SPNS2: variants seen among roughly 807,000 people sequenced by gnomAD.
The protein encoded by SPNS2 is sphingosine-1-phosphate transporter SPNS2.
A neutral mutation model predicts 57.6 loss-of-function variants in SPNS2; 37 were observed. That is an observed-to-expected ratio of 0.64 (90% CI 0.49 to 0.85). The LOEUF (loss-of-function observed/expected upper bound fraction) is 0.85. Among genes scored for constraint, SPNS2 ranks in the 40% least tolerant of loss-of-function variants. The pLI is 0.00. For synonymous variants in SPNS2, 440 were observed against 346.9 expected (o/e 1.27, Z -2.98); for missense variants, 831 against 779.1 (o/e 1.07, Z -0.79).
Position 4,499,230 on chromosome 17 carries a change from G to C in SPNS2, c.183G>C (p.Ser61=). The C allele has an allele frequency of 6.9e-7, 1 of 1,455,492 alleles. No homozygotes were observed. Among genetic ancestry groups the C allele is most frequent in the Non-Finnish European group, 9.0e-7 (1 of 1,110,386 alleles). The allele number at this position is 1,455,492 out of a possible 1,614,324, so 90.2% of individuals were successfully genotyped here. ...SAAGDEVQTL[S]GSVRRAPTGP... The stretch of plus-strand genomic sequence containing the variant: ...CGGGCGATGAGGTGCAGACGCTGTC[G>C]GGCAGCGTAAGGCGGGCCCCGACCG... The change falls in exon 1 of 13, where the codon TCG becomes TCC. Residue 61 remains serine, a synonymous_variant. Transcript: ENST00000329078. The surrounding 1 kb of genome is among the most constrained non-coding windows in gnomAD (Gnocchi z 5.2).
In SPNS2 at chr17:4,538,054, C is replaced by G. The variant is rs1265921051; in HGVS notation, c.*606C>G. ...GGGCGCCCAAGTCTCTGGGTACTCC[C>G]TGGAGGACACTGTCTCACTGTCTCG... On this transcript the variant is annotated 3_prime_UTR_variant, in exon 13 of 13. Transcript: ENST00000329078. The G allele has an allele frequency of 2.0e-5, 7 of 347,900 alleles. No homozygotes were observed. In the Admixed American group the frequency reaches 2.3e-4, roughly 11 times the overall value. The allele number at this position is 347,900 out of a possible 1,614,324, so 21.6% of individuals were successfully genotyped here. A position where few individuals can be genotyped will look rare whatever the true frequency, so the allele number is the denominator to read the frequency against.
intron 2 of SPNS2, among the ~76,000 whole-genome samples, chr17:4,519,897 G>A (rs555654861): frequency 1.3e-5 from 2 of 152,204 alleles, no homozygotes; most frequent in South Asian, 2.1e-4. Flanking sequence ...CCCCCTCCCC[G>A]TCCCTACCCT....
chr17:4,535,776 G>A (rs1041309353), intron 9 of SPNS2, among the ~76,000 whole-genome samples: 21 of 152,134 alleles, frequency 1.4e-4, no homozygotes, highest in Admixed American at 3.3e-4. Flanking sequence ...GGGGCAGGTC[G>A]CAGTGGTCTG....
intron 1 of SPNS2, among the ~76,000 whole-genome samples, chr17:4,506,244 A>G (rs371444641): frequency 8.5e-5 from 13 of 152,246 alleles, no homozygotes; most frequent in African/African-American, 3.1e-4. Context: ...TGGCTACTGA[A>G]GTAGCACGTG....
intron 1 of SPNS2, among the ~76,000 whole-genome samples, chr17:4,507,552 T>G (rs191691389): frequency 6.6e-6 from 1 of 152,348 alleles, no homozygotes; most frequent in East Asian, 1.9e-4. Flanking sequence ...TTAAGCCATA[T>G]TACAGAGGAG....
intron 8 of SPNS2, 145 bp downstream of exon 8, chr17:4,533,577 C>T: frequency 9.5e-7 from 1 of 1,048,540 alleles, no homozygotes; most frequent in Non-Finnish European, 1.4e-6. Context: ...TCATCCCCAG[C>T]CTGGCCACAC....
intron 1 of SPNS2, among the ~76,000 whole-genome samples, chr17:4,503,721 G>A (rs767173744): frequency 6.6e-6 from 1 of 152,242 alleles, no homozygotes; most frequent in Non-Finnish European, 1.5e-5. Flanking sequence ...GATCCAGCCT[G>A]GGGCAGCCTG....
rs1481312945 is a variant in SPNS2, at chr17:4,536,082, GT to G, written c.1352del (p.Val451AlafsTer35). The G allele has an allele frequency of 6.2e-7, 1 of 1,611,308 alleles. No homozygotes were observed. On this transcript the variant is annotated frameshift_variant, in exon 10 of 13. Transcript: ENST00000329078. LOFTEE classifies it high-confidence loss of function. ...AITADILMYV[V>X]IPTRRATAVA... ...CTGCCCGCCTGTTCCGCAGTACGTG[GT>G]CATCCCCACGCGGCGCGCCACTGCC... is the stretch of plus-strand genomic sequence containing the variant.
At chr17:4,503,464 TCTAA>T (rs1904587758) in intron 1 of SPNS2, among the ~76,000 whole-genome samples, 1 of 152,288 alleles carries the variant, frequency 6.6e-6, no homozygotes, top group African/African-American at 2.4e-5. Context: ...TCACGCCCCC[TCTAA>T]CTAGCTCTGC....
At chr17:4,534,983 G>C (rs556031713) in intron 9 of SPNS2, among the ~76,000 whole-genome samples, 1 of 152,166 alleles carries the variant, frequency 6.6e-6, no homozygotes, top group African/African-American at 2.4e-5. Context: ...AGGGCCACTC[G>C]TTTCATCAGA....
In SPNS2 at chr17:4,514,331, G is replaced by A. The variant is rs530112934; in HGVS notation, c.436+1019G>A. On this transcript the variant is annotated intron_variant, in intron 2 of 12. Transcript: ENST00000329078. ...TCCCCATGGTCTGCATTCCAGTCCA[G>A]TCGGTGAACCCCTTCCCCTGCCTGG... is the stretch of plus-strand genomic sequence containing the variant. Among the ~76,000 whole-genome samples the A allele has an allele frequency of 8.5e-5, 13 of 152,332 alleles. 1 individual carries two copies. In the South Asian group the frequency reaches 1.9e-3, roughly 22 times the overall value.
At chr17:4,530,915 C>A in intron 4 of SPNS2, 132 bp downstream of exon 4, 2 of 1,460,394 alleles carry the variant, frequency 1.4e-6, no homozygotes, top group Non-Finnish European at 1.9e-6. Flanking sequence ...GGCGGTCAGC[C>A]TTTGAGAATC....
chr17:4,536,012 GGGGCCA>G lies in SPNS2; in HGVS notation c.1345-57_1345-52del, dbSNP rs1188341946. 68 of 1,440,270 alleles carry G rather than the reference GGGGCCA, an allele frequency of 4.7e-5. No homozygotes were observed. The East Asian group carries it at 8.5e-4, about 18-fold the overall frequency. The allele number at this position is 1,440,270 out of a possible 1,614,324, so 89.2% of individuals were successfully genotyped here. On this transcript the variant is annotated intron_variant, in intron 9 of 12. Transcript: ENST00000329078. ...GGGGGCTTCAGAAGTGCCACGGCCC[GGGGCCA>G]GGGCCAAGCGCGTGAGCCTTTCTCC...
rs1014790442 is a variant in SPNS2 at position 4,510,148 on chromosome 17, G to A, written c.371-3099G>A. Reference sequence around the variant, plus strand: ...TGTGGCTGTGGCCGCCTCCAGGCCCGGAAGAGGGAAAGCAAGCCAGAAAGG... The same window carrying A: ...TGTGGCTGTGGCCGCCTCCAGGCCCAGAAGAGGGAAAGCAAGCCAGAAAGG... On this transcript the variant is annotated intron_variant, in intron 1 of 12. Coordinates refer to ENST00000329078, the MANE Select transcript of SPNS2 (RefSeq NM_001124758.3). This position sits in a 1 kb window ranked among gnomAD's most constrained non-coding sequence, Gnocchi z 4.4. 3.3e-5 allele frequency among the ~76,000 whole-genome samples: 5 copies of A among 152,226 alleles called. No homozygotes were observed. The highest frequency in any genetic ancestry group is 1.3e-4 in the Admixed American group (2 of 15,282).
At chr17:4,514,930 G>T (rs572400562) in intron 2 of SPNS2, among the ~76,000 whole-genome samples, 2 of 152,214 alleles carry the variant, frequency 1.3e-5, no homozygotes, top group Non-Finnish European at 2.9e-5. Flanking sequence ...GACCTGGCCC[G>T]AGCCTCATCC....
rs1483676526 is a variant in SPNS2 at position 4,538,661 on chromosome 17, T to C, written c.*1213T>C. On this transcript the variant is annotated 3_prime_UTR_variant, in exon 13 of 13. Transcript: ENST00000329078. ...GTGGGGGGTGAGGCCTTGTGGCCAA[T>C]GGGGGACCCCCCAAGAGCCAGCTTG... 7 of 525,400 alleles carry C rather than the reference T, an allele frequency of 1.3e-5. No individual in the cohort carries two copies. The highest frequency in any genetic ancestry group is 3.4e-5 in the Admixed American group (1 of 29,256). The allele number at this position is 525,400 out of a possible 1,614,324, so 32.5% of individuals were successfully genotyped here. A position where few individuals can be genotyped will look rare whatever the true frequency, so the allele number is the denominator to read the frequency against.
Position 4,512,961 on chromosome 17 carries a change from C to G in SPNS2, c.371-286C>G, listed in dbSNP as rs116746071. On this transcript the variant is annotated intron_variant, in intron 1 of 12. Coordinates refer to ENST00000329078, the MANE Select transcript of SPNS2 (RefSeq NM_001124758.3). The surrounding 1 kb of genome is among the most constrained non-coding windows in gnomAD (Gnocchi z 5.2). ...CAGGTAGGGAAGAGGCCCAAGCTGG[C>G]AGATAGGAGGTGTGGTTGCCCATGG... 6.4e-3 allele frequency among the ~76,000 whole-genome samples: 969 copies of G among 152,304 alleles called. 6 individuals are homozygous for G. Among genetic ancestry groups the G allele is most frequent in the African/African-American group, 0.022 (926 of 41,574 alleles).
intron 2 of SPNS2, among the ~76,000 whole-genome samples, chr17:4,522,812 C>T (rs762198766): frequency 2.0e-5 from 3 of 152,242 alleles, no homozygotes; most frequent in Non-Finnish European, 4.4e-5. Context: ...TTGCTCTGGG[C>T]CTCTTCATCC....
At chr17:4,517,367 A>G (rs1169397404) in intron 2 of SPNS2, among the ~76,000 whole-genome samples, 1 of 152,232 alleles carries the variant, frequency 6.6e-6, no homozygotes, top group African/African-American at 2.4e-5. Flanking sequence ...ATTCAAAATT[A>G]ATAGAGCAGG....
Sources: gnomAD v4.1 joint callset for allele counts (sites outside exome capture counted in the v4.1 genomes callset) on GRCh38, gnomAD v4.1.1 for gene constraint, Gnocchi (gnomAD v3.1) non-coding constraint, MANE v1.5 for transcripts, NCBI Gene and HGNC (gene_info 2026-07-23, HGNC 2026-07-21) for gene names.